PLPP1: variants seen among roughly 807,000 people sequenced by gnomAD.
The protein encoded by PLPP1 is lipid phosphate phosphohydrolase 1a.
A neutral mutation model predicts 31.2 loss-of-function variants in PLPP1; 24 were observed. That is an observed-to-expected ratio of 0.77 (90% CI 0.56 to 1.08). PLPP1 has a LOEUF of 1.08. PLPP1 is among the 50% of genes least tolerant of loss of function. The probability of loss-of-function intolerance (pLI) is 0.00; values close to 1 mark genes in which losing one functional copy is unlikely to be tolerated. For missense variants in PLPP1, 319 were observed against 342.7 expected (o/e 0.93, Z 0.55); for synonymous variants, 146 against 126.3 (o/e 1.16, Z -1.05).
chr5:55,432,459 A>G (rs893209698), intron 4 of PLPP1, among the ~76,000 whole-genome samples: 1 of 152,234 alleles, frequency 6.6e-6, no homozygotes, highest in Non-Finnish European at 1.5e-5. Context: ...TACCATACTT[A>G]CAAAGAAGAA....
chr5:55,453,376 C>T (rs560049634), intron 3 of PLPP1, among the ~76,000 whole-genome samples: 90 of 152,240 alleles, frequency 5.9e-4, no homozygotes, highest in African/African-American at 2.0e-3. Context: ...TTTGGACTTC[C>T]TCATCAAAAC....
intron 5 of PLPP1, 23 bp downstream of exon 5, chr5:55,425,840 A>T: frequency 6.6e-7 from 1 of 1,525,732 alleles, no homozygotes; most frequent in Non-Finnish European, 8.8e-7. Flanking sequence ...ATCAAGATGT[A>T]GGCTGTTGAC....
chr5:55,472,650 G>A, intron 2 of PLPP1, among the ~76,000 whole-genome samples: 1 of 39,036 alleles, frequency 2.6e-5, no homozygotes, highest in East Asian at 4.0e-4. Context: ...GAGAGAGAAA[G>A]AAAGAAAGAG....
intron 1 of PLPP1, among the ~76,000 whole-genome samples, chr5:55,495,700 T>C (rs902647512): frequency 1.3e-5 from 2 of 151,960 alleles, no homozygotes; most frequent in African/African-American, 2.4e-5. Context: ...TCAAGTTAAA[T>C]ATGTCAAAAT....
intron 1 of PLPP1, among the ~76,000 whole-genome samples, chr5:55,488,250 G>A (rs920910976): frequency 6.6e-6 from 1 of 150,466 alleles, no homozygotes; most frequent in African/African-American, 2.4e-5. Flanking sequence ...TAAGCTGCTT[G>A]ATATTATAAT....
In PLPP1 at chr5:55,446,871, C is replaced by T. The variant is rs1042199785; in HGVS notation, c.492-4963G>A. ...TCCACATGTCTTTTATGTCCTCTTC[C>T]CCGGCCTCAGCCTTTATATCTGTGC... is the stretch of plus-strand genomic sequence containing the variant. On this transcript the variant is annotated intron_variant, in intron 3 of 5. Transcript: ENST00000307259. Among the ~76,000 whole-genome samples, 5 of 152,158 alleles carry T rather than the reference C, an allele frequency of 3.3e-5. No individual in the cohort carries two copies. The East Asian group carries it at 9.6e-4, about 29-fold the overall frequency.
In PLPP1 at chr5:55,425,168, GA is replaced by G. The variant is rs934107152; in HGVS notation, c.*37del. ...GCCTTGTGGCAATCATTTTCCTTTA[GA>G]AAACAGGCCAGCTTCACCTGGGCAC... On this transcript the variant is annotated 3_prime_UTR_variant, in exon 6 of 6. Coordinates refer to ENST00000307259, the MANE Select transcript of PLPP1 (RefSeq NM_003711.4). 6 of 1,588,610 alleles carry G rather than the reference GA, an allele frequency of 3.8e-6. No individual in the cohort carries two copies. In the African/African-American group the frequency reaches 8.2e-5, roughly 22 times the overall value.
At chr5:55,439,654 G>T (rs541141980) in intron 4 of PLPP1, among the ~76,000 whole-genome samples, 21 of 152,204 alleles carry the variant, frequency 1.4e-4, no homozygotes, top group Non-Finnish European at 1.2e-4. Flanking sequence ...TGCCACTGAG[G>T]CCCTCTATTA....
At chr5:55,497,505 G>A (rs1209591370) in intron 1 of PLPP1, among the ~76,000 whole-genome samples, 3 of 149,518 alleles carry the variant, frequency 2.0e-5, no homozygotes, top group East Asian at 2.0e-4. Context: ...CTCCTGCCTC[G>A]GCCTCCCAAA....
Position 55,425,097 on chromosome 5 carries a change from G to GAAGT in PLPP1, c.*105_*108dup. ...GCATCCAAGAGGCATAGCAGCAGCA[G>GAAGT]AAGTCTTTAAAGGCTTGTACACCAG... On this transcript the variant is annotated 3_prime_UTR_variant, in exon 6 of 6. Coordinates refer to ENST00000307259, the MANE Select transcript of PLPP1 (RefSeq NM_003711.4). 1 of 1,383,448 alleles carries GAAGT rather than the reference G, an allele frequency of 7.2e-7. No homozygotes were observed. Among genetic ancestry groups the GAAGT allele is most frequent in the South Asian group, 1.4e-5 (1 of 70,194 alleles). The allele number at this position is 1,383,448 out of a possible 1,614,324, so 85.7% of individuals were successfully genotyped here.
At chr5:55,443,760 AG>A (rs1751688266) in intron 3 of PLPP1, among the ~76,000 whole-genome samples, 1 of 152,252 alleles carries the variant, frequency 6.6e-6, no homozygotes, top group Non-Finnish European at 1.5e-5. Flanking sequence ...TATTCAGTAT[AG>A]AATTTGTGAA....
At chr5:55,490,331 G>T (rs1752863210) in intron 1 of PLPP1, among the ~76,000 whole-genome samples, 1 of 151,520 alleles carries the variant, frequency 6.6e-6, no homozygotes, top group African/African-American at 2.4e-5. Flanking sequence ...TTTATTTTTA[G>T]TAGAGACTAG....
intron 3 of PLPP1, among the ~76,000 whole-genome samples, chr5:55,467,561 T>G (rs1212043723): frequency 7.0e-6 from 1 of 142,010 alleles, no homozygotes; most frequent in Non-Finnish European, 1.5e-5. Flanking sequence ...ATTATATATA[T>G]TATATATGTT....
intron 1 of PLPP1, among the ~76,000 whole-genome samples, chr5:55,507,858 CTTTT>C (rs5867988): frequency 3.8e-5 from 5 of 133,178 alleles, no homozygotes; most frequent in South Asian, 2.4e-4. Flanking sequence ...TCACTGAAAA[CTTTT>C]TTTTTTTTTT....
chr5:55,494,730 G>A (rs868406337), intron 1 of PLPP1, among the ~76,000 whole-genome samples: 13 of 152,070 alleles, frequency 8.5e-5, no homozygotes, highest in Middle Eastern at 6.8e-3. Context: ...TGTCTATCAC[G>A]CTGTACTTTA....
rs746524289 is a variant in PLPP1, at chr5:55,467,987, T to C, written c.373A>G (p.Arg125Gly). 3 of 1,614,212 alleles carry C rather than the reference T, an allele frequency of 1.9e-6. No individual in the cohort carries two copies. The highest frequency in any genetic ancestry group is 1.7e-5 in the Admixed American group (1 of 60,032). The change falls in exon 3 of 6, where the codon AGA becomes GGA. Residue 125 changes from arginine (R) to glycine (G), a missense_variant. Physicochemically the swap from Arg to Gly is moderately radical, Grantham distance 125. Transcript: ENST00000307259. ...ACATCCAAGAAGTGAGGCCGCAGTCTGCCTATTGAATACTTGGCAATGTCA... is the reference window on the plus strand; with the variant it reads ...ACATCCAAGAAGTGAGGCCGCAGTCCGCCTATTGAATACTTGGCAATGTCA... ...LTDIAKYSIG[R>G]LRPHFLDVCD...
At chr5:55,509,578 T>C (rs1420568845) in intron 1 of PLPP1, among the ~76,000 whole-genome samples, 1 of 152,222 alleles carries the variant, frequency 6.6e-6, no homozygotes, top group African/African-American at 2.4e-5. Context: ...GGTTTTTACA[T>C]TTGTAGTTTT....
intron 2 of PLPP1, among the ~76,000 whole-genome samples, chr5:55,472,800 T>C (rs1579948450): frequency 6.6e-6 from 1 of 151,788 alleles, no homozygotes; most frequent in South Asian, 2.1e-4. Context: ...AGAAAAGAAA[T>C]AGAAAAGAAT....
intron 4 of PLPP1, among the ~76,000 whole-genome samples, chr5:55,429,969 C>T (rs1751307440): frequency 6.6e-6 from 1 of 152,180 alleles, no homozygotes; most frequent in African/African-American, 2.4e-5. Context: ...CCCGGCTCCA[C>T]CTACCCCTAT....
Sources: gnomAD v4.1 joint callset for allele counts (sites outside exome capture counted in the v4.1 genomes callset) on GRCh38, gnomAD v4.1.1 for gene constraint, MANE v1.5 for transcripts, NCBI Gene and HGNC (gene_info 2026-07-23, HGNC 2026-07-21) for gene names.